SPAG16: variants seen among roughly 807,000 people sequenced by gnomAD.
SPAG16 encodes the protein sperm associated antigen 16, also known as sperm-associated antigen 16 protein.
SPAG16 carries 86 observed loss-of-function variants against 80.4 expected under a neutral mutation model. That is an observed-to-expected ratio of 1.07 (90% CI 0.90 to 1.28). SPAG16 has a LOEUF of 1.28. SPAG16 is among the 50% of genes most tolerant of loss of function. The pLI, the probability that SPAG16 is intolerant of heterozygous loss-of-function variation, is 0.00. For synonymous variants in SPAG16, 294 were observed against 265.9 expected (o/e 1.11, Z -1.03); for missense variants, 870 against 765.3 (o/e 1.14, Z -1.61).
At chr2:213,782,757 C>G (rs1575123454) in intron 10 of SPAG16, among the ~76,000 whole-genome samples, 1 of 152,132 alleles carries the variant, frequency 6.6e-6, no homozygotes, top group Non-Finnish European at 1.5e-5. Context: ...GACTCCTACT[C>G]TAACTTTAGT....
Position 213,574,677 on chromosome 2 carries a change from G to GAT in SPAG16, c.1070+84592_1070+84593dup, listed in dbSNP as rs1488373140. On this transcript the variant is annotated intron_variant, in intron 10 of 15. Transcript: ENST00000331683. Reference sequence around the variant, plus strand: ...TATATATGATATATGATATATATATGATATATGATATATATATGATATATG... The same window carrying GAT: ...TATATATGATATATGATATATATATGATATATATGATATATATATGATATATG... Among the ~76,000 whole-genome samples the GAT allele has an allele frequency of 2.0e-5, 3 of 146,904 alleles. No individual in the cohort carries two copies. In the East Asian group the frequency reaches 5.9e-4, roughly 29 times the overall value.
intron 15 of SPAG16, among the ~76,000 whole-genome samples, chr2:214,183,519 A>G (rs993487020): frequency 2.0e-5 from 3 of 152,002 alleles, no homozygotes; most frequent in South Asian, 2.1e-4. Flanking sequence ...CAGGAAAAGG[A>G]GTGAAGTGGC....
intron 14 of SPAG16, among the ~76,000 whole-genome samples, chr2:214,126,259 C>T (rs907825070): frequency 2.7e-5 from 4 of 150,924 alleles, no homozygotes; most frequent in South Asian, 2.1e-4. Context: ...GAGAAGTTTC[C>T]GTTTCTATGA....
chr2:214,053,866 T>C (rs2049793209), intron 13 of SPAG16, among the ~76,000 whole-genome samples: 1 of 152,222 alleles, frequency 6.6e-6, no homozygotes. Context: ...TAAAAGTCCT[T>C]TGCAAACTCT....
At chr2:213,675,611 C>G (rs2064024258) in intron 10 of SPAG16, among the ~76,000 whole-genome samples, 1 of 152,196 alleles carries the variant, frequency 6.6e-6, no homozygotes, top group Non-Finnish European at 1.5e-5. Flanking sequence ...TATGGCCAGC[C>G]AGTTTTCCCA....
At chr2:214,333,470 A>G (rs762121654) in intron 15 of SPAG16, among the ~76,000 whole-genome samples, 1 of 152,100 alleles carries the variant, frequency 6.6e-6, no homozygotes, top group Non-Finnish European at 1.5e-5. Flanking sequence ...TTGGAATTCG[A>G]TCATCCTCCT....
intron 12 of SPAG16, among the ~76,000 whole-genome samples, chr2:214,005,627 G>A (rs2046995008): frequency 6.6e-6 from 1 of 152,064 alleles, no homozygotes; most frequent in South Asian, 2.1e-4. Flanking sequence ...TAGATCTCAC[G>A]TCTCCACTGA....
intron 9 of SPAG16, among the ~76,000 whole-genome samples, chr2:213,465,284 G>C (rs1360029785): frequency 1.3e-5 from 2 of 152,136 alleles, no homozygotes; most frequent in Non-Finnish European, 2.9e-5. Flanking sequence ...GCCCCCATGA[G>C]GGCATTTAAC....
intron 10 of SPAG16, among the ~76,000 whole-genome samples, chr2:213,690,839 A>G (rs2064911281): frequency 2.0e-5 from 3 of 152,176 alleles, no homozygotes; most frequent in African/African-American, 7.2e-5. Context: ...TCTTGGGCCT[A>G]TGGCCTCAGA....
intron 15 of SPAG16, among the ~76,000 whole-genome samples, chr2:214,284,900 T>A (rs575750031): frequency 1.3e-5 from 2 of 152,128 alleles, no homozygotes; most frequent in Non-Finnish European, 2.9e-5. Context: ...TTAGGTTGAT[T>A]TCATGTCTTG....
At chr2:213,793,956 C>A (rs1575154486) in intron 10 of SPAG16, among the ~76,000 whole-genome samples, 2 of 152,108 alleles carry the variant, frequency 1.3e-5, no homozygotes, top group Admixed American at 1.3e-4. Context: ...TTTTAAATAA[C>A]CAGTACATTT....
At chr2:213,832,691 C>G (rs544518371) in intron 10 of SPAG16, among the ~76,000 whole-genome samples, 1 of 152,276 alleles carries the variant, frequency 6.6e-6, no homozygotes, top group East Asian at 1.9e-4. Context: ...CAGTCTATTA[C>G]CAAGAGATCA....
intron 10 of SPAG16, among the ~76,000 whole-genome samples, chr2:213,602,353 C>T (rs1041936820): frequency 2.0e-5 from 3 of 149,302 alleles, no homozygotes; most frequent in East Asian, 1.9e-4. Flanking sequence ...ATTTCCAGGC[C>T]GGGCACAGTG....
At chr2:213,836,373 G>A (rs927212843) in intron 10 of SPAG16, among the ~76,000 whole-genome samples, 1 of 151,978 alleles carries the variant, frequency 6.6e-6, no homozygotes, top group African/African-American at 2.4e-5. Context: ...TAGTTCTATT[G>A]TCTAAGAGAG....
chr2:213,594,528 T>C (rs1430964299), intron 10 of SPAG16, among the ~76,000 whole-genome samples: 2 of 152,188 alleles, frequency 1.3e-5, no homozygotes, highest in African/African-American at 4.8e-5. Flanking sequence ...TGCTCACTCT[T>C]TTTTCTCTTT....
chr2:214,140,258 G>GT (rs35877599), intron 14 of SPAG16, among the ~76,000 whole-genome samples: 57,455 of 150,194 alleles, frequency 0.38, 13,118 homozygotes, highest in Non-Finnish European at 0.51. Context: ...TTTATTTTGT[G>GT]TTTTTTTCTT....
At chr2:213,954,159 A>G (rs911348880) in intron 12 of SPAG16, among the ~76,000 whole-genome samples, 2 of 146,068 alleles carry the variant, frequency 1.4e-5, no homozygotes, top group Non-Finnish European at 3.0e-5. Context: ...TTTTTTTGAG[A>G]CAGAGTCTCA....
At chr2:213,543,252 T>C (rs2125921454) in intron 10 of SPAG16, among the ~76,000 whole-genome samples, 1 of 152,142 alleles carries the variant, frequency 6.6e-6, no homozygotes, top group East Asian at 1.9e-4. Context: ...TTATGAATGG[T>C]CATTTCATAT....
At chr2:214,248,294 TA>T (rs1188885456) in intron 15 of SPAG16, among the ~76,000 whole-genome samples, 2 of 52,450 alleles carry the variant, frequency 3.8e-5, no homozygotes, top group African/African-American at 8.0e-5. Context: ...CTTATATTAT[TA>T]TTATTATTAT....
Sources: allele counts gnomAD v4.1 joint callset (sites outside exome capture counted in the v4.1 genomes callset), GRCh38; gene constraint gnomAD v4.1.1; transcripts MANE v1.5; gene names NCBI Gene and HGNC (gene_info 2026-07-23, HGNC 2026-07-21).